DAB1: variants seen among roughly 807,000 people sequenced by gnomAD.
The protein encoded by DAB1 is DAB adaptor protein 1.
Under a neutral mutation model 64.6 loss-of-function variants are expected in DAB1, and 15 were observed. The observed-to-expected ratio is 0.23, with a 90% CI of 0.16 to 0.36. The LOEUF is 0.36. DAB1 is among the 10% of genes least tolerant of loss of function. DAB1 has a pLI of 1.00. For synonymous variants in DAB1, 235 were observed against 251.9 expected (o/e 0.93, Z 0.64); for missense variants, 596 against 706.7 (o/e 0.84, Z 1.78).
At chr1:58,035,960 A>T (rs889190408) in intron 5 of DAB1, among the ~76,000 whole-genome samples, 1 of 152,200 alleles carries the variant, frequency 6.6e-6, no homozygotes, top group Non-Finnish European at 1.5e-5. Flanking sequence ...AGGAAGATGC[A>T]CATCCGTGTA....
At chr1:57,320,841 C>A (rs948879113) in intron 1 of DAB1, among the ~76,000 whole-genome samples, 4 of 152,062 alleles carry the variant, frequency 2.6e-5, no homozygotes, top group Non-Finnish European at 5.9e-5. Flanking sequence ...ACCAAAGAAA[C>A]CAAGGCTTAC....
intron 5 of DAB1, among the ~76,000 whole-genome samples, chr1:58,100,624 T>C (rs1477092462): frequency 6.6e-6 from 1 of 152,226 alleles, no homozygotes; most frequent in African/African-American, 2.4e-5. Flanking sequence ...GTTTAACTTT[T>C]TGAGGTCCCA....
intron 1 of DAB1, among the ~76,000 whole-genome samples, chr1:57,374,762 C>G (rs114698428): frequency 0.011 from 1,613 of 152,260 alleles, 35 homozygotes; most frequent in African/African-American, 0.037. Context: ...GGTAGCACCT[C>G]TAGGGACAAA....
At chr1:57,102,278 G>C (rs1570694748) in intron 4 of DAB1, among the ~76,000 whole-genome samples, 2 of 152,140 alleles carry the variant, frequency 1.3e-5, no homozygotes, top group Non-Finnish European at 1.5e-5. Flanking sequence ...GCTAATGGGA[G>C]AACCCAATCT....
At chr1:58,286,412 T>A (rs1661683597) in intron 4 of DAB1, among the ~76,000 whole-genome samples, 1 of 152,148 alleles carries the variant, frequency 6.6e-6, no homozygotes, top group Non-Finnish European at 1.5e-5. Context: ...TTGCAGTCTA[T>A]CCATCTGACA....
At chr1:57,675,807 A>G (rs1159062110) in intron 6 of DAB1, among the ~76,000 whole-genome samples, 1 of 152,220 alleles carries the variant, frequency 6.6e-6, no homozygotes, top group East Asian at 1.9e-4. Flanking sequence ...GGTCAAGCCC[A>G]TCAGCACAAT....
chr1:58,494,685 C>T (rs1316265156), intron 3 of DAB1, among the ~76,000 whole-genome samples: 8 of 152,062 alleles, frequency 5.3e-5, no homozygotes, highest in South Asian at 2.1e-4. Context: ...TCATCACTGG[C>T]CATCAGAGAA....
intron 7 of DAB1, among the ~76,000 whole-genome samples, chr1:57,528,579 G>A (rs773951048): frequency 1.5e-4 from 23 of 151,244 alleles, no homozygotes; most frequent in Non-Finnish European, 3.2e-4. Context: ...ACCACTCCTA[G>A]GCACATCATA....
chr1:58,290,743 T>C (rs1243956441), intron 4 of DAB1, among the ~76,000 whole-genome samples: 1 of 152,166 alleles, frequency 6.6e-6, no homozygotes, highest in Non-Finnish European at 1.5e-5. Flanking sequence ...TAATCCATTT[T>C]TGTTGAAATA....
At chr1:57,185,102 C>G (rs1279025983) in intron 2 of DAB1, among the ~76,000 whole-genome samples, 1 of 152,090 alleles carries the variant, frequency 6.6e-6, no homozygotes, top group East Asian at 1.9e-4. Flanking sequence ...CTTTGATCAT[C>G]CTCCTCCCCT....
intron 1 of DAB1, among the ~76,000 whole-genome samples, chr1:57,313,277 G>A (rs1674890473): frequency 1.3e-5 from 2 of 152,150 alleles, no homozygotes; most frequent in Non-Finnish European, 2.9e-5. Context: ...TGAATGAGCT[G>A]CAACTTCCCC....
intron 2 of DAB1, among the ~76,000 whole-genome samples, chr1:57,211,242 T>C (rs1407402868): frequency 6.6e-6 from 1 of 152,174 alleles, no homozygotes; most frequent in African/African-American, 2.4e-5. Context: ...TCAGTGAAGA[T>C]CTTTTGGAGG....
chr1:58,317,103 C>T (rs1662575094), intron 4 of DAB1, among the ~76,000 whole-genome samples: 2 of 152,238 alleles, frequency 1.3e-5, no homozygotes, highest in South Asian at 2.1e-4. Context: ...CCACAGTACT[C>T]TTCCATCTGT....
intron 2 of DAB1, among the ~76,000 whole-genome samples, chr1:57,170,242 A>G (rs1661615835): frequency 6.6e-6 from 1 of 152,080 alleles, no homozygotes; most frequent in South Asian, 2.1e-4. Flanking sequence ...CAAGTGATCC[A>G]ACTGCCTCGG....
At chr1:58,297,606 C>A (rs1318299284) in intron 4 of DAB1, among the ~76,000 whole-genome samples, 1 of 152,124 alleles carries the variant, frequency 6.6e-6, no homozygotes, top group Non-Finnish European at 1.5e-5. Context: ...ACAGACATAT[C>A]TAGTGGATGG....
At chr1:58,137,780 G>A (rs1654030646) in intron 5 of DAB1, among the ~76,000 whole-genome samples, 1 of 152,154 alleles carries the variant, frequency 6.6e-6, no homozygotes, top group South Asian at 2.1e-4. Context: ...CCAGACTTCT[G>A]CTCCATGGTA....
At chr1:57,223,575 C>G (rs1667042299) in intron 2 of DAB1, among the ~76,000 whole-genome samples, 1 of 152,156 alleles carries the variant, frequency 6.6e-6, no homozygotes, top group African/African-American at 2.4e-5. Context: ...TTCTTTTTAA[C>G]TGAGTGGATG....
At chr1:57,538,069 G>A (rs10889050) in intron 7 of DAB1, among the ~76,000 whole-genome samples, 97,939 of 151,996 alleles carry the variant, frequency 0.64, 33,909 homozygotes, top group Non-Finnish European at 0.77. Flanking sequence ...AACACCTCCC[G>A]CTGGCCCCAC....
chr1:57,728,857 C>T (rs971450960), intron 6 of DAB1, among the ~76,000 whole-genome samples: 5 of 152,132 alleles, frequency 3.3e-5, no homozygotes, highest in African/African-American at 9.7e-5. Context: ...ATGGCACTCC[C>T]ATTTCTATAG....
Sources: allele counts gnomAD v4.1 joint callset (sites outside exome capture counted in the v4.1 genomes callset), GRCh38; gene constraint gnomAD v4.1.1; transcripts MANE v1.5; gene names NCBI Gene and HGNC (gene_info 2026-07-23, HGNC 2026-07-21).